The following TEX11 variants were observed in gnomAD, a reference collection of about 807,000 sequenced individuals.
The protein encoded by TEX11 is testis-expressed protein 11.
TEX11 carries 7 observed loss-of-function variants against 84.4 expected under a neutral mutation model. The ratio of observed to expected loss-of-function variants is 0.08; its 90% confidence interval spans 0.05 to 0.16. The LOEUF (loss-of-function observed/expected upper bound fraction) is 0.16, where lower values mean the gene tolerates loss of function less well. TEX11 is among the 10% of genes least tolerant of loss of function. The pLI is 1.00. For missense variants in TEX11, 551 were observed against 660.5 expected (o/e 0.83, Z 1.82); for synonymous variants, 264 against 222.8 (o/e 1.18, Z -1.64).
the TEX11 span, among the ~76,000 whole-genome samples, chrX:70,519,616 T>C: frequency 9.0e-6 from 1 of 111,557 alleles, no homozygotes; most frequent in Admixed American, 9.6e-5. Context: ...TAGAGGAGTA[T>C]CTTAGTGGTG....
At chrX:70,736,510 G>T (rs188030637) in intron 11 of TEX11, among the ~76,000 whole-genome samples, 15 of 107,842 alleles carry the variant, frequency 1.4e-4, no homozygotes, top group Non-Finnish European at 2.1e-4. Flanking sequence ...GGCATAGGAA[G>T]TTTGTCTTCT....
At chrX:70,898,626 G>A (rs1399318511) in intron 2 of TEX11, among the ~76,000 whole-genome samples, 1 of 99,766 alleles carries the variant, frequency 1.0e-5, no homozygotes, top group Admixed American at 1.1e-4. Flanking sequence ...TTTTTTTTGA[G>A]ATGGAGTCTC....
At chrX:70,844,053 C>T (rs1219968380) in intron 7 of TEX11, among the ~76,000 whole-genome samples, 3 of 110,073 alleles carry the variant, frequency 2.7e-5, no homozygotes, top group Non-Finnish European at 3.8e-5. Flanking sequence ...GTCAGTGTGG[C>T]GATTCCTCAG....
At chrX:70,750,808 T>C (rs1254807275) in intron 9 of TEX11, among the ~76,000 whole-genome samples, 2 of 99,019 alleles carry the variant, frequency 2.0e-5, no homozygotes, top group Non-Finnish European at 4.1e-5. Flanking sequence ...CATTGGGAGA[T>C]ATACCTAATG....
At chrX:70,720,195 A>G (rs2090545439) in intron 13 of TEX11, among the ~76,000 whole-genome samples, 1 of 111,908 alleles carries the variant, frequency 8.9e-6, no homozygotes, top group Non-Finnish European at 1.9e-5. Flanking sequence ...CAGCCATAAA[A>G]AGGATGAGTC....
At position 70,817,248 on chromosome X, in the gene TEX11, T is replaced by C. The variant is rs202154196; in HGVS notation, c.607-10458A>G. Among the ~76,000 whole-genome samples, 380 of 93,087 alleles carry C rather than the reference T, an allele frequency of 4.1e-3. 1 individual carries two copies. The highest frequency in any genetic ancestry group is 8.1e-3 in the Admixed American group (71 of 8,751). 80.8% of individuals were successfully genotyped at this position (93,087 alleles called of 115,157 possible). A position where few individuals can be genotyped will look rare whatever the true frequency, so the allele number is the denominator to read the frequency against. ...ATACACATACACACACACACACATA[T>C]ATATATACACACACACACACACACA... On this transcript the variant is annotated intron_variant, in intron 8 of 29. Coordinates refer to ENST00000374333, the MANE Select transcript of TEX11 (RefSeq NM_031276.3).
chrX:70,555,065 T>C (rs758263639), intron 25 of TEX11, among the ~76,000 whole-genome samples: 1 of 112,074 alleles, frequency 8.9e-6, no homozygotes. Context: ...TCTCAAACAA[T>C]TGCCACGATG....
intron 9 of TEX11, among the ~76,000 whole-genome samples, chrX:70,800,467 T>C (rs1031484415): frequency 1.4e-4 from 16 of 111,794 alleles, no homozygotes; most frequent in Non-Finnish European, 2.4e-4. Context: ...CAATGTTAGA[T>C]ACACTGAATG....
At chrX:70,550,611 G>A (rs1227558901) in intron 28 of TEX11, among the ~76,000 whole-genome samples, 1 of 111,868 alleles carries the variant, frequency 8.9e-6, no homozygotes, top group African/African-American at 3.2e-5. Context: ...TTTCTCAAAA[G>A]AAGACAAACA....
At chrX:70,864,593 T>A (rs1214384160) in intron 4 of TEX11, among the ~76,000 whole-genome samples, 1 of 105,057 alleles carries the variant, frequency 9.5e-6, no homozygotes, top group African/African-American at 3.5e-5. Context: ...AAAAAAAAAA[T>A]TAGCTGGGCA....
rs781345458 is a variant in TEX11 at position 70,825,933 on chromosome X, G to A, written c.606+7580C>T. Among the ~76,000 whole-genome samples the A allele has an allele frequency of 2.0e-3, 222 of 110,837 alleles. 5 individuals are homozygous for A. The highest frequency in any genetic ancestry group is 4.7e-3 in the Middle Eastern group (1 of 214). ...ACAGAGGTTGCAGTGAGCTGAGATC[G>A]CGCCACTGCACTCCAGCCTGGGTGC... On this transcript the variant is annotated intron_variant, in intron 8 of 29. Transcript: ENST00000374333.
At chrX:70,669,110 G>C (rs1365938868) in intron 16 of TEX11, among the ~76,000 whole-genome samples, 2 of 111,978 alleles carry the variant, frequency 1.8e-5, no homozygotes, top group Non-Finnish European at 3.8e-5. Context: ...AGCTGCTTGA[G>C]TGAGTTGAAG....
intron 26 of TEX11, 114 bp from the exon 27 acceptor site, chrX:70,553,528 A>C (rs2088247432): frequency 2.4e-6 from 1 of 411,465 alleles, no homozygotes. Context: ...AGATGAACAA[A>C]AATAAACAAC....
chrX:70,817,551 G>A (rs939706034), intron 8 of TEX11, among the ~76,000 whole-genome samples: 1 of 110,954 alleles, frequency 9.0e-6, no homozygotes, highest in Non-Finnish European at 1.9e-5. Context: ...GGGCGTGGTG[G>A]GACACGCCTG....
chrX:70,688,682 C>T (rs2090209562), intron 13 of TEX11, among the ~76,000 whole-genome samples: 1 of 108,970 alleles, frequency 9.2e-6, no homozygotes, highest in Non-Finnish European at 1.9e-5. Context: ...ATAGCAGATA[C>T]GTGTCATTAT....
chrX:70,749,591 G>T (rs748341702), intron 9 of TEX11, among the ~76,000 whole-genome samples: 1 of 101,273 alleles, frequency 9.9e-6, no homozygotes, highest in South Asian at 5.1e-4. Context: ...TTTGAAATAC[G>T]TCCCATCAAT....
intron 24 of TEX11, among the ~76,000 whole-genome samples, chrX:70,600,179 CTGT>C (rs1264529028): frequency 9.0e-6 from 1 of 111,695 alleles, no homozygotes; most frequent in Non-Finnish European, 1.9e-5. Context: ...TCTCCAGCAC[CTGT>C]TGTTTCCTGA....
rs188394290 is a variant in TEX11, at chrX:70,615,762, A to T, written c.1752-5219T>A. Among the ~76,000 whole-genome samples the T allele has an allele frequency of 3.6e-5, 4 of 112,340 alleles. No individual in the cohort carries two copies. The East Asian group carries it at 1.1e-3, about 31-fold the overall frequency. The stretch of plus-strand genomic sequence containing the variant: ...ATTATCAAACTCTCAAAGGTTCAGG[A>T]TAAAGAAAGAATCCTAAAAGCAACA... On this transcript the variant is annotated intron_variant, in intron 20 of 29. Transcript: ENST00000374333.
In TEX11 at chrX:70,583,179, C is replaced by T. The variant is rs1456498465; in HGVS notation, c.2140+8572G>A. Among the ~76,000 whole-genome samples the T allele has an allele frequency of 6.3e-5, 7 of 111,174 alleles. No homozygotes were observed. In the East Asian group the frequency reaches 2.0e-3, roughly 31 times the overall value. ...TGGATATATTAAGTAGTAGTGAAGT[C>T]TGGGTATTTACTGTAACCATCACCC... On this transcript the variant is annotated intron_variant, in intron 25 of 29. Coordinates refer to ENST00000374333, the MANE Select transcript of TEX11 (RefSeq NM_031276.3).
Sources: gnomAD v4.1 joint callset for allele counts (sites outside exome capture counted in the v4.1 genomes callset) on GRCh38, gnomAD v4.1.1 for gene constraint, MANE v1.5 for transcripts, NCBI Gene and HGNC (gene_info 2026-07-23, HGNC 2026-07-21) for gene names.